Variants in CORO7 observed in about 807,000 individuals in gnomAD.
CORO7 encodes the protein coronin-7.
A neutral mutation model predicts 126.6 loss-of-function variants in CORO7; 107 were observed. That is an observed-to-expected ratio of 0.85 (90% confidence interval 0.72 to 0.99). The LOEUF (loss-of-function observed/expected upper bound fraction) is 0.99. CORO7 is among the 50% of genes least tolerant of loss of function. The probability of loss-of-function intolerance (pLI) is 0.00; values close to 1 mark genes in which losing one functional copy is unlikely to be tolerated. For missense variants in CORO7, 1,314 were observed against 1,255.8 expected (o/e 1.05, Z -0.70); for synonymous variants, 603 against 536.8 (o/e 1.12, Z -1.70).
In CORO7 at chr16:4,362,712, C is replaced by A. The variant is rs556045576; in HGVS notation, c.1302G>T (p.Ser434=). Residue 434 remains serine, a synonymous_variant, in exon 15 of 28, where the codon TCG becomes TCT. Transcript: ENST00000251166. The surrounding 1 kb of genome is among the most constrained non-coding windows in gnomAD (Gnocchi z 5.3). ...TGGAGGGCGTGGAGGGCGAGGTCAGCGAACTGGGAGGGGAAGAGAAACCCT... is the reference window on the plus strand; with the variant it reads ...TGGAGGGCGTGGAGGGCGAGGTCAGAGAACTGGGAGGGGAAGAGAAACCCT... ...ASEGFSSPPS[S]LTSPSTPSSL... The A allele has an allele frequency of 2.2e-5, 31 of 1,441,480 alleles. No homozygotes were observed. Among genetic ancestry groups the A allele is most frequent in the East Asian group, 2.7e-5 (1 of 37,074 alleles). The allele number at this position is 1,441,480 out of a possible 1,614,324, so 89.3% of individuals were successfully genotyped here. A position where few individuals can be genotyped will look rare whatever the true frequency, so the allele number is the denominator to read the frequency against.
intron 9 of CORO7, among the ~76,000 whole-genome samples, chr16:4,371,277 GA>G (rs2054511116): frequency 6.6e-6 from 1 of 152,254 alleles, no homozygotes; most frequent in African/African-American, 2.4e-5. Context: ...CCTGAGCTCA[GA>G]TTTGGCATTG....
Position 4,355,171 on chromosome 16 carries a change from G to T in CORO7, c.2773-8C>A. ...CGGGGGCGCAGGCTAGTCCTGGGGCGAAACACCAAGAGGTGGGAGGGAGTC... is the reference window on the plus strand; with the variant it reads ...CGGGGGCGCAGGCTAGTCCTGGGGCTAAACACCAAGAGGTGGGAGGGAGTC... On this transcript the variant is annotated splice_region_variant and splice_polypyrimidine_tract_variant and intron_variant, in intron 27 of 27. Transcript: ENST00000251166. 1 of 1,541,238 alleles carries T rather than the reference G, an allele frequency of 6.5e-7. No individual in the cohort carries two copies. The highest frequency in any genetic ancestry group is 2.3e-5 in the East Asian group (1 of 43,264).
intron 6 of CORO7, among the ~76,000 whole-genome samples, chr16:4,401,744 G>A (rs537344388): frequency 3.9e-5 from 6 of 152,008 alleles, no homozygotes; most frequent in Admixed American, 6.6e-5. Context: ...GACAGCAAGC[G>A]ACAGAGGCTC....
chr16:4,358,503 G>A lies in CORO7; in HGVS notation c.2341-20C>T, dbSNP rs576155386. ...GAGGCCCTGGGGGAGCAAGGGAGTC[G>A]GAGCTGCCGCTGGGACCTAGAGCTC... On this transcript the variant is annotated intron_variant, in intron 23 of 27. Transcript: ENST00000251166. 7.3e-5 allele frequency: 115 copies of A among 1,567,998 alleles called. No homozygotes were observed. Among genetic ancestry groups the A allele is most frequent in the Non-Finnish European group, 9.2e-5 (106 of 1,153,390 alleles).
intron 9 of CORO7, among the ~76,000 whole-genome samples, chr16:4,370,424 A>G (rs1004176473): frequency 2.0e-5 from 3 of 152,214 alleles, no homozygotes; most frequent in South Asian, 2.1e-4. Flanking sequence ...TTCCTGTTCA[A>G]TGCAAGCTGG....
rs2054279827 is a variant in CORO7, at chr16:4,364,374, G to C, written c.1177C>G (p.Pro393Ala). 6.6e-7 allele frequency: 1 copy of C among 1,516,938 alleles called. No homozygotes were observed. The highest frequency in any genetic ancestry group is 1.3e-5 in the South Asian group (1 of 75,242). The allele number at this position is 1,516,938 out of a possible 1,614,324, so 94.0% of individuals were successfully genotyped here. Residue 393 changes from proline to alanine, a missense_variant, in exon 14 of 28, where the codon CCG (proline) becomes GCG (alanine). Transcript: ENST00000251166. ...GGCACCAGACAGGAAGTGAAGCTCG[G>C]GTGGGGCCGGCAGGCGGGGTTGAGG... ...VSLNPACRPH[P>A]SFTSCLVPPA...
Position 4,354,851 on chromosome 16 carries a change from G to A in CORO7, c.*307C>T. Reference sequence around the variant, plus strand: ...TGGGACCAGCCCAGGTCAGCAGTGAGACCAGGGGAGACAGGGTGCCCAGGG... The same window carrying A: ...TGGGACCAGCCCAGGTCAGCAGTGAAACCAGGGGAGACAGGGTGCCCAGGG... On this transcript the variant is annotated 3_prime_UTR_variant, in exon 28 of 28. Coordinates refer to ENST00000251166, the MANE Select transcript of CORO7 (RefSeq NM_024535.5). The A allele has an allele frequency of 2.5e-6, 1 of 404,046 alleles. No individual in the cohort carries two copies. Among genetic ancestry groups the A allele is most frequent in the South Asian group, 1.0e-4 (1 of 9,694 alleles). 25.0% of individuals were successfully genotyped at this position (404,046 alleles called of 1,614,324 possible).
rs759071056 is a variant in CORO7 at position 4,407,637 on chromosome 16, T to C, written c.351A>G (p.Ala117=). Residue 117 remains alanine, a synonymous_variant, in exon 5 of 28, where the codon GCA becomes GCG. Transcript: ENST00000251166. ...CCTCGGGGCCCAGCACCACCCCGGG[T>C]GCTGAGGGCAGGGCCTGGCCAGGCC... ...LPGPGQALPS[A]PGVVLGPEDL... is the part of the protein sequence containing the mutation. The C allele has an allele frequency of 5.0e-6, 8 of 1,609,446 alleles. No homozygotes were observed. Among genetic ancestry groups the C allele is most frequent in the Non-Finnish European group, 6.8e-6 (8 of 1,178,464 alleles).
At chr16:4,367,205 C>A (rs978033278) in intron 9 of CORO7, among the ~76,000 whole-genome samples, 16 of 152,166 alleles carry the variant, frequency 1.1e-4, no homozygotes, top group Admixed American at 8.5e-4. Context: ...CAGGGTGAGC[C>A]GGGCTCAGCA....
chr16:4,370,877 G>A (rs1051889579), intron 9 of CORO7, among the ~76,000 whole-genome samples: 1 of 152,266 alleles, frequency 6.6e-6, no homozygotes, highest in African/African-American at 2.4e-5. Context: ...GCTGGAGGGG[G>A]TGTGGGTGTC....
Position 4,365,046 on chromosome 16 carries a change from C to T in CORO7, c.855G>A (p.Leu285=). The stretch of plus-strand genomic sequence containing the variant: ...GCTGCGGGACCACCTCGTAACAGTA[C>T]AGCTGCCTCTCGCCCTGAAATGAGT... The part of the protein sequence containing the change: ...LVLAGKGERQ[L]YCYEVVPQQP... Residue 285 remains leucine (L), a synonymous_variant, in exon 11 of 28, where the codon CTG becomes CTA. Coordinates refer to ENST00000251166, the MANE Select transcript of CORO7 (RefSeq NM_024535.5). 2 of 1,603,126 alleles carry T rather than the reference C, an allele frequency of 1.2e-6. No individual in the cohort carries two copies. Among genetic ancestry groups the T allele is most frequent in the Non-Finnish European group, 1.7e-6 (2 of 1,175,168 alleles).
At chr16:4,400,782 T>A (rs1325252917) in intron 6 of CORO7, among the ~76,000 whole-genome samples, 2 of 137,702 alleles carry the variant, frequency 1.5e-5, no homozygotes, top group Non-Finnish European at 3.2e-5. Flanking sequence ...ATCGTGCCAA[T>A]GCACTCCAGC....
chr16:4,359,643 G>T, intron 21 of CORO7, 22 bp from the exon 22 acceptor site: 1 of 1,574,056 alleles, frequency 6.4e-7, no homozygotes. Context: ...TTTGGGGGCT[G>T]AAGCAGGTGT....
intron 1 of CORO7, chr16:4,414,426 C>T (rs768377260): frequency 6.6e-6 from 1 of 152,160 alleles, no homozygotes; most frequent in Non-Finnish European, 1.5e-5. Context: ...GTCAAAGCAC[C>T]GCTCAGCACT....
At chr16:4,381,688 G>A (rs1160070745) in intron 9 of CORO7, 3 of 1,607,918 alleles carry the variant, frequency 1.9e-6, no homozygotes, top group Middle Eastern at 1.7e-4. Context: ...GGAGCTGGAT[G>A]TGAGCAACCT....
At chr16:4,402,757 G>A (rs147028667) in intron 6 of CORO7, among the ~76,000 whole-genome samples, 2,513 of 152,348 alleles carry the variant, frequency 0.016, 33 homozygotes, top group Non-Finnish European at 0.025. Flanking sequence ...TGCAGAGGCC[G>A]CGTCCTCCCC....
chr16:4,359,467 C>T lies in CORO7; in HGVS notation c.2250+13G>A. 5 of 1,613,468 alleles carry T rather than the reference C, an allele frequency of 3.1e-6. No homozygotes were observed. The highest frequency in any genetic ancestry group is 4.2e-6 in the Non-Finnish European group (5 of 1,179,950). On this transcript the variant is annotated intron_variant, in intron 22 of 27. Transcript: ENST00000251166. ...ACCTCTCACCTGCCATCCCGCCCTC[C>T]AGCCCAGCCCACCTTGCCGGTCAGG...
At chr16:4,381,377 G>C (rs767771193) in intron 9 of CORO7, 1 of 1,581,920 alleles carries the variant, frequency 6.3e-7, no homozygotes, top group Admixed American at 1.8e-5. Flanking sequence ...CCCCCGCTGC[G>C]CCTGCCCCGC....
At chr16:4,368,426 T>A (rs1347341730) in intron 9 of CORO7, among the ~76,000 whole-genome samples, 1 of 150,912 alleles carries the variant, frequency 6.6e-6, no homozygotes, top group African/African-American at 2.4e-5. Flanking sequence ...GGCAGGAGGG[T>A]CACTTGAGCC....
Sources: allele counts gnomAD v4.1 joint callset (sites outside exome capture counted in the v4.1 genomes callset), GRCh38; gene constraint gnomAD v4.1.1; non-coding constraint Gnocchi (gnomAD v3.1); transcripts MANE v1.5; gene names NCBI Gene and HGNC (gene_info 2026-07-23, HGNC 2026-07-21).